Variants in CHD6 observed in about 807,000 individuals in gnomAD.
CHD6 encodes the protein chromodomain helicase DNA binding protein 6.
Under a neutral mutation model 276.9 loss-of-function variants are expected in CHD6, and 50 were observed. That is an observed-to-expected ratio of 0.18 (90% CI 0.14 to 0.23). The LOEUF is 0.23. CHD6 is among the 10% of genes least tolerant of loss of function. The pLI is 1.00. For missense variants in CHD6, 2,564 were observed against 3,365.8 expected (o/e 0.76, Z 5.89); for synonymous variants, 1,173 against 1,229.3 (o/e 0.95, Z 0.96).
In CHD6 at chr20:41,409,259, C is replaced by T. The variant is rs541949630; in HGVS notation, c.7251+2885G>A. Among the ~76,000 whole-genome samples, 8 of 152,286 alleles carry T rather than the reference C, an allele frequency of 5.3e-5. No individual in the cohort carries two copies. In the East Asian group the frequency reaches 5.8e-4, roughly 11 times the overall value. Reference sequence around the variant, plus strand: ...TCAGGTGCCCCTCCCAGCAGCGCGGCGACCACACACAGCGGCCAGGCGGGC... The same window carrying T: ...TCAGGTGCCCCTCCCAGCAGCGCGGTGACCACACACAGCGGCCAGGCGGGC... On this transcript the variant is annotated intron_variant, in intron 36 of 36. Coordinates refer to ENST00000373233, the MANE Select transcript of CHD6 (RefSeq NM_032221.5).
At chr20:41,548,384 T>C (rs985594203) in intron 2 of CHD6, among the ~76,000 whole-genome samples, 1 of 152,160 alleles carries the variant, frequency 6.6e-6, no homozygotes, top group African/African-American at 2.4e-5. Flanking sequence ...GGTCTTAACA[T>C]GAACCAGTAA....
At chr20:41,523,047 T>C (rs1474317341) in intron 3 of CHD6, among the ~76,000 whole-genome samples, 1 of 152,186 alleles carries the variant, frequency 6.6e-6, no homozygotes, top group Non-Finnish European at 1.5e-5. Flanking sequence ...CAGCCATGAT[T>C]CCAGCCTTGA....
intron 17 of CHD6, among the ~76,000 whole-genome samples, chr20:41,460,490 G>T (rs2048510402): frequency 3.3e-5 from 5 of 152,190 alleles, no homozygotes; most frequent in Admixed American, 3.3e-4. Context: ...TGTGCTGTGT[G>T]CAGCCTAGGG....
chr20:41,514,790 C>A lies in CHD6; in HGVS notation c.702+15G>T. The A allele has an allele frequency of 6.2e-7, 1 of 1,611,604 alleles. No individual in the cohort carries two copies. The highest frequency in any genetic ancestry group is 1.3e-5 in the African/African-American group (1 of 74,918). ...GAGCCGTAATCTCCACCAGGCCTCC[C>A]GGTCACAGCTGTACCTGGCTGTCTG... On this transcript the variant is annotated intron_variant, in intron 4 of 36. Transcript: ENST00000373233.
chr20:41,540,732 A>G (rs1024900211), intron 2 of CHD6, among the ~76,000 whole-genome samples: 4 of 152,190 alleles, frequency 2.6e-5, no homozygotes, highest in Non-Finnish European at 2.9e-5. Context: ...GGAGTCTTCT[A>G]TCTTCTCCAG....
At chr20:41,454,330 A>G (rs915083255) in intron 20 of CHD6, among the ~76,000 whole-genome samples, 5 of 152,256 alleles carry the variant, frequency 3.3e-5, no homozygotes, top group African/African-American at 1.2e-4. Flanking sequence ...GTCACATGCC[A>G]GGGATAGAAT....
intron 1 of CHD6, among the ~76,000 whole-genome samples, chr20:41,590,947 T>C (rs28762116): frequency 0.38 from 56,316 of 149,246 alleles, 13,284 homozygotes; most frequent in African/African-American, 0.65. Context: ...ATAGCAAAGA[T>C]TTGGAACCAA....
intron 3 of CHD6, among the ~76,000 whole-genome samples, chr20:41,519,468 T>C (rs1342987867): frequency 1.3e-5 from 2 of 152,144 alleles, no homozygotes; most frequent in East Asian, 1.9e-4. Context: ...TGTAAAATAA[T>C]GAAAACTACC....
rs749253148 is a variant in CHD6 at position 41,420,956 on chromosome 20, G to A, written c.5679C>T (p.Leu1893=). 1.9e-6 allele frequency: 3 copies of A among 1,614,210 alleles called. No homozygotes were observed. The highest frequency in any genetic ancestry group is 1.3e-5 in the African/African-American group (1 of 75,070). Residue 1893 remains leucine (L), a synonymous_variant, in exon 31 of 37, where the codon CTC becomes CTT. Transcript: ENST00000373233. ...TTGAGATGTTAGTAGTGGGCTCCGT[G>A]AGATGCAATACCTCTGGCCTTTCCC... The part of the protein sequence containing the change: ...GMGERPEVLH[L]TEPTTNISRE...
chr20:41,610,480 G>A (rs571285543), intron 1 of CHD6, among the ~76,000 whole-genome samples: 1 of 152,248 alleles, frequency 6.6e-6, no homozygotes, highest in South Asian at 2.1e-4. Flanking sequence ...TTAATTGATA[G>A]GCCGGGTGCG....
intron 1 of CHD6, among the ~76,000 whole-genome samples, chr20:41,577,142 C>G (rs1006630760): frequency 3.3e-5 from 5 of 152,164 alleles, no homozygotes; most frequent in Admixed American, 1.3e-4. Flanking sequence ...AAAGAGACAG[C>G]AGAAATAAAC....
At chr20:41,425,973 C>A (rs2047350516) in intron 28 of CHD6, 120 bp downstream of exon 28, 1 of 788,806 alleles carries the variant, frequency 1.3e-6, no homozygotes, top group Middle Eastern at 2.3e-4. Flanking sequence ...TGATGGTCAA[C>A]TTACTTGGCT....
At chr20:41,602,326 T>C (rs921286917) in intron 1 of CHD6, among the ~76,000 whole-genome samples, 2 of 152,192 alleles carry the variant, frequency 1.3e-5, no homozygotes, top group African/African-American at 4.8e-5. Flanking sequence ...GAAGAGGGGA[T>C]GCTGGCACCA....
Position 41,402,291 on chromosome 20 carries a change from C to T in CHD6, c.*2302G>A, listed in dbSNP as rs958713890. On this transcript the variant is annotated 3_prime_UTR_variant, in exon 37 of 37. Transcript: ENST00000373233. ...AATCATAAGAAGCACTTGTGCCTTA[C>T]AGAGCAAATAATCCACAGAGTGTCA... 4.4e-6 allele frequency: 1 copy of T among 225,004 alleles called. No individual in the cohort carries two copies. Among genetic ancestry groups the T allele is most frequent in the Non-Finnish European group, 8.9e-6 (1 of 112,928 alleles). 13.9% of individuals were successfully genotyped at this position (225,004 alleles called of 1,614,324 possible).
intron 2 of CHD6, among the ~76,000 whole-genome samples, chr20:41,545,945 C>T (rs1053771772): frequency 6.6e-6 from 1 of 152,102 alleles, no homozygotes; most frequent in Non-Finnish European, 1.5e-5. Context: ...CTTCCCTTGG[C>T]CCCCATACTC....
intron 1 of CHD6, among the ~76,000 whole-genome samples, chr20:41,554,784 C>T (rs573423166): frequency 6.6e-6 from 1 of 152,294 alleles, no homozygotes; most frequent in Non-Finnish European, 1.5e-5. Context: ...CTACCTCTTT[C>T]TACACAGACA....
chr20:41,425,236 C>T lies in CHD6; in HGVS notation c.4288G>A (p.Glu1430Lys). ...GPGNQGYWVQ[E>K]EMFRRTSEMD... is the part of the protein sequence containing the mutation. The stretch of plus-strand genomic sequence containing the variant: ...TCTGAGGTTCTCCTGAACATCTCTT[C>T]CTGAACCCAATATCCTTGGTTACCT... The change falls in exon 29 of 37, where the codon GAA becomes AAA. Residue 1430 changes from glutamate (E) to lysine (K), a missense_variant. Glu to Lys is a moderately conservative substitution (Grantham distance 56). This residue lies in a region of CHD6 where 515 missense variants were observed against 739.5 expected (regional missense o/e 0.70). Transcript: ENST00000373233. 1 of 1,614,210 alleles carries T rather than the reference C, an allele frequency of 6.2e-7. No homozygotes were observed. Among genetic ancestry groups the T allele is most frequent in the Non-Finnish European group, 8.5e-7 (1 of 1,180,040 alleles).
intron 27 of CHD6, among the ~76,000 whole-genome samples, chr20:41,426,813 G>A (rs1157166371): frequency 6.6e-6 from 1 of 152,124 alleles, no homozygotes; most frequent in Non-Finnish European, 1.5e-5. Context: ...CTTGGTCTCA[G>A]GAATGGAACT....
chr20:41,555,274 G>A lies in CHD6; in HGVS notation c.-23-3914C>T, dbSNP rs1460565186. Among the ~76,000 whole-genome samples the A allele has an allele frequency of 1.8e-3, 235 of 134,034 alleles. 1 individual carries two copies. Among genetic ancestry groups the A allele is most frequent in the South Asian group, 5.9e-3 (23 of 3,926 alleles). The allele number at this position is 134,034 out of a possible 152,430, so 87.9% of individuals were successfully genotyped here. A position where few individuals can be genotyped will look rare whatever the true frequency, so the allele number is the denominator to read the frequency against. On this transcript the variant is annotated intron_variant, in intron 1 of 36. Coordinates refer to ENST00000373233, the MANE Select transcript of CHD6 (RefSeq NM_032221.5). ...TCCCTCCTGGACGGGGCGGCTGGCC[G>A]GGCAGAGGGGCTCCTCACCTCCCAG...
Sources: gnomAD v4.1 joint callset for allele counts (sites outside exome capture counted in the v4.1 genomes callset) on GRCh38, gnomAD v4.1.1 for gene constraint, gnomAD v4.1.1 regional missense constraint, MANE v1.5 for transcripts, NCBI Gene and HGNC (gene_info 2026-07-23, HGNC 2026-07-21) for gene names.